The following BLTP3A variants were observed in gnomAD, a reference collection of about 807,000 sequenced individuals.
The protein encoded by BLTP3A is ICBP90 binding protein 1.
the BLTP3A span, among the ~76,000 whole-genome samples, chr6:34,855,208 A>T: frequency 6.6e-6 from 1 of 152,148 alleles, no homozygotes; most frequent in African/African-American, 2.4e-5. Flanking sequence ...AATATAGGTT[A>T]TTGTTTTGGG....
chr6:34,812,158 A>G, the BLTP3A span, among the ~76,000 whole-genome samples: 1 of 152,114 alleles, frequency 6.6e-6, no homozygotes, highest in African/African-American at 2.4e-5. Context: ...GTGAAACCCC[A>G]TGTCTACTAA....
the BLTP3A span, among the ~76,000 whole-genome samples, chr6:34,813,272 AGTCTT>A: frequency 6.6e-6 from 1 of 152,200 alleles, no homozygotes; most frequent in Non-Finnish European, 1.5e-5. Flanking sequence ...GCAAGCTGTG[AGTCTT>A]GGGCAAGTCA....
At chr6:34,811,146 T>C in the BLTP3A span, among the ~76,000 whole-genome samples, 1 of 152,164 alleles carries the variant, frequency 6.6e-6, no homozygotes, top group East Asian at 1.9e-4. Context: ...AAACATTCAA[T>C]GTGTGTTATG....
the BLTP3A span, among the ~76,000 whole-genome samples, chr6:34,796,483 C>T: frequency 2.0e-5 from 3 of 152,202 alleles, no homozygotes; most frequent in Non-Finnish European, 4.4e-5. Flanking sequence ...GCTTTAATGC[C>T]CAGTATTCAT....
At chr6:34,872,161 G>A in the BLTP3A span, 3 of 1,003,070 alleles carry the variant, frequency 3.0e-6, no homozygotes, top group South Asian at 3.5e-5. Context: ...TATGAAGAGG[G>A]AATCAAGGTC....
the BLTP3A span, among the ~76,000 whole-genome samples, chr6:34,849,367 A>G: frequency 6.6e-6 from 1 of 152,222 alleles, no homozygotes; most frequent in Admixed American, 6.5e-5. Flanking sequence ...TACAAATAAC[A>G]TCTTATACCC....
the BLTP3A span, among the ~76,000 whole-genome samples, chr6:34,826,239 C>G: frequency 6.6e-6 from 1 of 151,944 alleles, no homozygotes; most frequent in Non-Finnish European, 1.5e-5. Context: ...CCAGGCTGGT[C>G]TCGAATTCCT....
the BLTP3A span, chr6:34,875,091 A>T: frequency 1.3e-5 from 2 of 152,664 alleles, no homozygotes; most frequent in Admixed American, 6.5e-5. Context: ...AGCAAATCAG[A>T]AATGTAAGGA....
At chr6:34,823,386 A>G in the BLTP3A span, 1 of 1,519,552 alleles carries the variant, frequency 6.6e-7, no homozygotes. Context: ...CAACATATTA[A>G]TTGCTCCAGA....
At chr6:34,793,826 G>C in the BLTP3A span, among the ~76,000 whole-genome samples, 1 of 151,652 alleles carries the variant, frequency 6.6e-6, no homozygotes, top group Non-Finnish European at 1.5e-5. Flanking sequence ...GCTTAGAGAT[G>C]ATCTCACCTA....
At chr6:34,836,560 A>G in the BLTP3A span, among the ~76,000 whole-genome samples, 2 of 152,216 alleles carry the variant, frequency 1.3e-5, no homozygotes, top group Admixed American at 6.5e-5. Flanking sequence ...GTAGAACCAC[A>G]TGTCATACTT....
At chr6:34,797,158 G>T in the BLTP3A span, among the ~76,000 whole-genome samples, 2 of 152,160 alleles carry the variant, frequency 1.3e-5, no homozygotes, top group African/African-American at 4.8e-5. Context: ...AGCCAAAGAA[G>T]TTAGGTCCAC....
the BLTP3A span, chr6:34,872,633 A>G: frequency 8.7e-6 from 5 of 573,834 alleles, no homozygotes; most frequent in African/African-American, 1.0e-4. Context: ...GCAAAGCATG[A>G]TTGTATCCCA....
the BLTP3A span, chr6:34,835,434 A>C: frequency 1.2e-6 from 2 of 1,614,196 alleles, no homozygotes; most frequent in Non-Finnish European, 8.5e-7. Flanking sequence ...CAGCCCATCA[A>C]AGAAAGAGCC....
chr6:34,856,330 A>C, the BLTP3A span: 112,331 of 1,614,030 alleles, frequency 0.07, 5,363 homozygotes, highest in East Asian at 0.28. Flanking sequence ...TTCAGAGCAA[A>C]ATGGAGAAGT....
the BLTP3A span, among the ~76,000 whole-genome samples, chr6:34,799,756 A>G: frequency 6.6e-6 from 1 of 152,222 alleles, no homozygotes; most frequent in Admixed American, 6.5e-5. Context: ...TAAAATGGGC[A>G]TAATAACGCA....
chr6:34,872,087 G>C, the BLTP3A span, among the ~76,000 whole-genome samples: 3 of 152,324 alleles, frequency 2.0e-5, no homozygotes, highest in Middle Eastern at 6.8e-3. Context: ...GTGCTGACTA[G>C]AGGATAAATG....
chr6:34,846,322 T>G, the BLTP3A span, among the ~76,000 whole-genome samples: 29,956 of 151,386 alleles, frequency 0.2, 3,542 homozygotes, highest in African/African-American at 0.32. Flanking sequence ...TTTTTGTATT[T>G]TTAGTAGGGA....
chr6:34,843,334 A>T, the BLTP3A span, among the ~76,000 whole-genome samples: 1 of 152,130 alleles, frequency 6.6e-6, no homozygotes, highest in Admixed American at 6.6e-5. Context: ...CAATTCAGAA[A>T]ATAGTTTATG....
Sources: gnomAD v4.1 joint callset for allele counts (sites outside exome capture counted in the v4.1 genomes callset) on GRCh38, gnomAD v4.1.1 for gene constraint, MANE v1.5 for transcripts, NCBI Gene and HGNC (gene_info 2026-07-23, HGNC 2026-07-21) for gene names.